Variants in TRAPPC9 observed in about 807,000 individuals in gnomAD.
TRAPPC9 encodes IKK2 binding protein.
Under a neutral mutation model 124.0 loss-of-function variants are expected in TRAPPC9, and 83 were observed. That is an observed-to-expected ratio of 0.67 (90% CI 0.56 to 0.80). TRAPPC9 has a LOEUF of 0.80. Among genes scored for constraint, TRAPPC9 ranks in the 30% least tolerant of loss-of-function variants. The pLI is 0.00. For synonymous variants in TRAPPC9, 638 were observed against 617.5 expected (o/e 1.03, Z -0.49); for missense variants, 1,302 against 1,508.3 (o/e 0.86, Z 2.27).
intron 9 of TRAPPC9, among the ~76,000 whole-genome samples, chr8:140,329,456 C>A (rs556803010): frequency 6.6e-6 from 1 of 152,162 alleles, no homozygotes; most frequent in African/African-American, 2.4e-5. Flanking sequence ...CAAGCACACA[C>A]GACAACGGTC....
Position 140,255,690 on chromosome 8 carries a change from A to G in TRAPPC9, c.2279-2761T>C, listed in dbSNP as rs200638391. On this transcript the variant is annotated intron_variant, in intron 15 of 22. Transcript: ENST00000438773. ...CACCTGAGGCCAGGCGTTCGAGGCC[A>G]GCCTGGGCAACAGGGTGAAACCCTG... Among the ~76,000 whole-genome samples, 3 of 152,256 alleles carry G rather than the reference A, an allele frequency of 2.0e-5. No homozygotes were observed. In the East Asian group the frequency reaches 5.8e-4, roughly 29 times the overall value.
intron 15 of TRAPPC9, among the ~76,000 whole-genome samples, chr8:140,274,550 G>C (rs959298755): frequency 6.6e-6 from 1 of 152,214 alleles, no homozygotes; most frequent in Admixed American, 6.5e-5. Flanking sequence ...ATCAGTGGAA[G>C]AAATATGGGA....
intron 21 of TRAPPC9, among the ~76,000 whole-genome samples, chr8:139,858,995 G>T (rs1031768435): frequency 2.0e-5 from 3 of 150,548 alleles, no homozygotes; most frequent in African/African-American, 4.9e-5. Flanking sequence ...ATATCTCTGA[G>T]ATGTCACGTC....
At chr8:140,417,900 T>C (rs897256121) in intron 5 of TRAPPC9, among the ~76,000 whole-genome samples, 1 of 152,248 alleles carries the variant, frequency 6.6e-6, no homozygotes, top group Non-Finnish European at 1.5e-5. Flanking sequence ...GATGACTTCA[T>C]GTCCTTTGCA....
At chr8:140,254,900 A>G (rs553668313) in intron 15 of TRAPPC9, among the ~76,000 whole-genome samples, 1 of 152,360 alleles carries the variant, frequency 6.6e-6, no homozygotes, top group South Asian at 2.1e-4. Flanking sequence ...TCCTGGTCGG[A>G]AGACCCAGAA....
At chr8:139,912,217 C>CATATATATACATATATATGTAT (rs1297549835) in intron 19 of TRAPPC9, among the ~76,000 whole-genome samples, 2 of 152,138 alleles carry the variant, frequency 1.3e-5, no homozygotes, top group African/African-American at 2.4e-5. Context: ...AAAATCACTA[C>CATATATATACATATATATGTAT]ATATATATGT....
At chr8:140,349,948 C>G (rs2067500733) in intron 9 of TRAPPC9, among the ~76,000 whole-genome samples, 1 of 152,190 alleles carries the variant, frequency 6.6e-6, no homozygotes, top group Non-Finnish European at 1.5e-5. Flanking sequence ...AGATGATTTA[C>G]ATCCTCTAAG....
intron 21 of TRAPPC9, among the ~76,000 whole-genome samples, chr8:139,767,172 CTA>C (rs1244459085): frequency 6.6e-6 from 1 of 152,240 alleles, no homozygotes; most frequent in East Asian, 1.9e-4. Context: ...GCAGGAATTA[CTA>C]TTTCTTATAT....
At chr8:140,261,100 T>G (rs1401583756) in intron 15 of TRAPPC9, among the ~76,000 whole-genome samples, 1 of 151,978 alleles carries the variant, frequency 6.6e-6, no homozygotes, top group Admixed American at 6.6e-5. Context: ...ATGTTAGAGG[T>G]GATGTGGAGA....
At chr8:139,784,957 C>G (rs1300983557) in intron 21 of TRAPPC9, among the ~76,000 whole-genome samples, 1 of 151,984 alleles carries the variant, frequency 6.6e-6, no homozygotes, top group Non-Finnish European at 1.5e-5. Context: ...AAGTGGCAAA[C>G]TGATGAGAAG....
At chr8:140,410,141 CAAAAAA>C (rs61149910) in intron 5 of TRAPPC9, among the ~76,000 whole-genome samples, 1 of 70,216 alleles carries the variant, frequency 1.4e-5, no homozygotes, top group African/African-American at 4.6e-5. Context: ...ACCTTGTCTC[CAAAAAA>C]AAAAAAAAAA....
rs555312154 is a variant in TRAPPC9 at position 139,984,881 on chromosome 8, C to T, written c.2810+3845G>A. 8.5e-4 allele frequency among the ~76,000 whole-genome samples: 129 copies of T among 152,246 alleles called. No individual in the cohort carries two copies. The highest frequency in any genetic ancestry group is 1.5e-3 in the Non-Finnish European group (105 of 68,010). On this transcript the variant is annotated intron_variant, in intron 19 of 22. Transcript: ENST00000438773. This position sits in a 1 kb window ranked among gnomAD's most constrained non-coding sequence, Gnocchi z 4.3. ...ACCTCATGACCTCTAGTTCACCCAACGCTCCCACCCGGCCCGGGACAGCAA... is the reference window on the plus strand; with the variant it reads ...ACCTCATGACCTCTAGTTCACCCAATGCTCCCACCCGGCCCGGGACAGCAA...
chr8:139,910,129 G>A lies in TRAPPC9; in HGVS notation c.2964+18C>T. 6.2e-7 allele frequency: 1 copy of A among 1,613,908 alleles called. No homozygotes were observed. Among genetic ancestry groups the A allele is most frequent in the Non-Finnish European group, 8.5e-7 (1 of 1,179,874 alleles). ...GCAAAGGTGCCCCCAGGCCCAGGTGGCCCCTGGAAAAGGATATGATTCTCC... is the reference window on the plus strand; with the variant it reads ...GCAAAGGTGCCCCCAGGCCCAGGTGACCCCTGGAAAAGGATATGATTCTCC... On this transcript the variant is annotated intron_variant, in intron 20 of 22. Transcript: ENST00000438773.
chr8:140,165,049 A>G (rs991475561), intron 17 of TRAPPC9, among the ~76,000 whole-genome samples: 1 of 152,216 alleles, frequency 6.6e-6, no homozygotes, highest in Non-Finnish European at 1.5e-5. Flanking sequence ...GTTTTAATGG[A>G]TAAACAGATT....
chr8:140,217,526 T>G (rs2063224354), intron 17 of TRAPPC9, among the ~76,000 whole-genome samples: 1 of 152,096 alleles, frequency 6.6e-6, no homozygotes, highest in Non-Finnish European at 1.5e-5. Flanking sequence ...CACGAAAGAT[T>G]CTATAACCCC....
At chr8:139,930,497 A>G (rs992563970) in intron 19 of TRAPPC9, among the ~76,000 whole-genome samples, 4 of 152,212 alleles carry the variant, frequency 2.6e-5, no homozygotes, top group African/African-American at 9.7e-5. Flanking sequence ...CTGCTTTCCA[A>G]GCAGCAATGC....
At chr8:139,997,449 C>G (rs1170708454) in intron 18 of TRAPPC9, among the ~76,000 whole-genome samples, 1 of 151,118 alleles carries the variant, frequency 6.6e-6, no homozygotes, top group East Asian at 2.0e-4. Context: ...GCATCCCACA[C>G]AGAGGAGACA....
At chr8:140,375,348 C>G (rs2068406676) in intron 7 of TRAPPC9, among the ~76,000 whole-genome samples, 3 of 152,224 alleles carry the variant, frequency 2.0e-5, no homozygotes, top group Admixed American at 2.0e-4. Flanking sequence ...CAAGACTACT[C>G]AAGACAAGGA....
chr8:140,234,774 A>C (rs1313271244), intron 16 of TRAPPC9, among the ~76,000 whole-genome samples: 1 of 152,226 alleles, frequency 6.6e-6, no homozygotes, highest in South Asian at 2.1e-4. Context: ...AGTACTTAAT[A>C]TGTGCCACAC....
Sources: allele counts gnomAD v4.1 joint callset (sites outside exome capture counted in the v4.1 genomes callset), GRCh38; gene constraint gnomAD v4.1.1; non-coding constraint Gnocchi (gnomAD v3.1); transcripts MANE v1.5; gene names NCBI Gene and HGNC (gene_info 2026-07-23, HGNC 2026-07-21).